Variants in CCSER1 observed in about 807,000 individuals in gnomAD.
The protein encoded by CCSER1 is serine-rich coiled-coil domain-containing protein 1.
CCSER1 carries 41 observed loss-of-function variants against 82.0 expected under a neutral mutation model. The ratio of observed to expected loss-of-function variants is 0.50; its 90% CI spans 0.39 to 0.65. CCSER1 has a LOEUF of 0.65. Ranked by LOEUF, CCSER1 falls within the 30% of genes least tolerant of loss-of-function variation. The pLI, the probability that CCSER1 is intolerant of heterozygous loss-of-function variation, is 0.00. For missense variants in CCSER1, 1,119 were observed against 1,064.2 expected, an observed-to-expected ratio of 1.05 and a Z score of -0.72; for synonymous variants, 414 against 383.9, an observed-to-expected ratio of 1.08 and a Z score of -0.92.
intron 3 of CCSER1, among the ~76,000 whole-genome samples, chr4:90,385,969 C>A (rs1749978343): frequency 6.6e-6 from 1 of 151,978 alleles, no homozygotes; most frequent in African/African-American, 2.4e-5. Context: ...AAGATCTCTA[C>A]AAGAAGAACT....
chr4:90,416,941 C>G (rs887080633), intron 4 of CCSER1, among the ~76,000 whole-genome samples: 1 of 152,204 alleles, frequency 6.6e-6, no homozygotes, highest in Admixed American at 6.5e-5. Context: ...GCAAACTTAA[C>G]ACAGGAACAG....
chr4:90,606,084 T>G (rs1784667915), intron 5 of CCSER1, among the ~76,000 whole-genome samples: 1 of 152,144 alleles, frequency 6.6e-6, no homozygotes, highest in South Asian at 2.1e-4. Flanking sequence ...AAAGTATCAT[T>G]TTGGATGAAT....
intron 10 of CCSER1, among the ~76,000 whole-genome samples, chr4:91,142,111 T>A (rs1213886913): frequency 6.6e-6 from 1 of 152,152 alleles, no homozygotes; most frequent in Non-Finnish European, 1.5e-5. Flanking sequence ...TCACCTTGAA[T>A]TGTAATAATC....
At chr4:90,300,602 C>G (rs1050420826) in intron 1 of CCSER1, among the ~76,000 whole-genome samples, 1 of 152,028 alleles carries the variant, frequency 6.6e-6, no homozygotes, top group East Asian at 1.9e-4. Flanking sequence ...GTCATTAGCT[C>G]TGACTCATAA....
At chr4:90,809,137 G>A (rs1757910618) in intron 7 of CCSER1, among the ~76,000 whole-genome samples, 3 of 145,444 alleles carry the variant, frequency 2.1e-5, no homozygotes, top group African/African-American at 7.8e-5. Context: ...GAGCAACAAA[G>A]TGAGACCCCA....
intron 10 of CCSER1, among the ~76,000 whole-genome samples, chr4:91,206,043 A>G (rs944827950): frequency 1.3e-5 from 2 of 151,934 alleles, no homozygotes; most frequent in Non-Finnish European, 2.9e-5. Flanking sequence ...ACAGACATCC[A>G]AGTAAAGTAC....
intron 10 of CCSER1, among the ~76,000 whole-genome samples, chr4:91,234,041 C>T (rs1434972218): frequency 1.3e-5 from 2 of 151,798 alleles, no homozygotes; most frequent in East Asian, 3.9e-4. Flanking sequence ...AAGTATTTCC[C>T]AACAGTAGAC....
At chr4:91,386,846 AATATT>A (rs1332365219) in intron 10 of CCSER1, among the ~76,000 whole-genome samples, 4 of 152,032 alleles carry the variant, frequency 2.6e-5, no homozygotes, top group Middle Eastern at 3.2e-3. Flanking sequence ...CAAAATGTGA[AATATT>A]ATATTAAGGA....
intron 10 of CCSER1, among the ~76,000 whole-genome samples, chr4:91,099,306 A>C (rs1724825914): frequency 6.6e-6 from 1 of 152,240 alleles, no homozygotes; most frequent in Admixed American, 6.5e-5. Context: ...TGGTGCCTAT[A>C]GCCCACCACT....
chr4:91,193,054 G>A (rs568074206), intron 10 of CCSER1, among the ~76,000 whole-genome samples: 38 of 151,734 alleles, frequency 2.5e-4, no homozygotes, highest in African/African-American at 8.7e-4. Flanking sequence ...TTCTTTCCCT[G>A]TACTGACATG....
At chr4:91,219,308 CTTTTTTT>C (rs59884169) in intron 10 of CCSER1, among the ~76,000 whole-genome samples, 4 of 99,910 alleles carry the variant, frequency 4.0e-5, no homozygotes, top group African/African-American at 1.1e-4. Context: ...TACAGTTTGG[CTTTTTTT>C]TTTTTTTTTT....
At chr4:90,741,449 C>T (rs1027424878) in intron 7 of CCSER1, among the ~76,000 whole-genome samples, 2 of 152,100 alleles carry the variant, frequency 1.3e-5, no homozygotes, top group Non-Finnish European at 2.9e-5. Context: ...GCAGAGGTAA[C>T]AATCACACCA....
At chr4:91,307,605 A>T (rs1389682346) in intron 10 of CCSER1, among the ~76,000 whole-genome samples, 1 of 152,028 alleles carries the variant, frequency 6.6e-6, no homozygotes, top group Non-Finnish European at 1.5e-5. Flanking sequence ...AGAATGGCAC[A>T]ACTTACAATG....
chr4:91,567,868 G>C (rs1762970821), intron 10 of CCSER1, among the ~76,000 whole-genome samples: 4 of 151,990 alleles, frequency 2.6e-5, no homozygotes, highest in African/African-American at 9.7e-5. Context: ...TTACACTCAA[G>C]GTTAGTATTG....
chr4:90,359,010 T>G (rs573640146), intron 3 of CCSER1, among the ~76,000 whole-genome samples: 1 of 152,330 alleles, frequency 6.6e-6, no homozygotes, highest in South Asian at 2.1e-4. Flanking sequence ...ATGACAGTAA[T>G]CTGGTGTCAC....
chr4:91,263,096 C>T (rs1040290009), intron 10 of CCSER1, among the ~76,000 whole-genome samples: 1 of 151,906 alleles, frequency 6.6e-6, no homozygotes, highest in Non-Finnish European at 1.5e-5. Context: ...CTGAAACATG[C>T]ATATATATGA....
At chr4:90,503,611 G>A (rs1012844040) in intron 5 of CCSER1, among the ~76,000 whole-genome samples, 1 of 151,880 alleles carries the variant, frequency 6.6e-6, no homozygotes, top group Non-Finnish European at 1.5e-5. Context: ...CCTTTCCTGT[G>A]TCCATGTGTT....
At chr4:90,224,135 G>A (rs753867556) in intron 1 of CCSER1, among the ~76,000 whole-genome samples, 47 of 152,320 alleles carry the variant, frequency 3.1e-4, no homozygotes, top group Non-Finnish European at 5.6e-4. Flanking sequence ...AATCTTTAGA[G>A]ATTTTATATT....
At chr4:91,165,757 C>G (rs558535521) in intron 10 of CCSER1, among the ~76,000 whole-genome samples, 5 of 152,382 alleles carry the variant, frequency 3.3e-5, no homozygotes, top group African/African-American at 1.2e-4. Flanking sequence ...ATATAATCTC[C>G]TGGTATGTCA....
Sources: gnomAD v4.1 joint callset for allele counts (sites outside exome capture counted in the v4.1 genomes callset) on GRCh38, gnomAD v4.1.1 for gene constraint, MANE v1.5 for transcripts, NCBI Gene and HGNC (gene_info 2026-07-23, HGNC 2026-07-21) for gene names.